OR51B5: variants seen among roughly 807,000 people sequenced by gnomAD.
OR51B5 encodes the protein olfactory receptor family 51 subfamily B member 5.
For missense variants in OR51B5, 456 were observed against 374.6 expected, an observed-to-expected ratio of 1.22 and a Z score of -1.79; for synonymous variants, 186 against 144.8, an observed-to-expected ratio of 1.28 and a Z score of -2.04.
intron 1 of OR51B5, among the ~76,000 whole-genome samples, chr11:5,434,292 C>T: frequency 6.6e-6 from 1 of 152,148 alleles, no homozygotes; most frequent in East Asian, 1.9e-4. Flanking sequence ...TCCCTGTCTC[C>T]CTCCATGACT....
chr11:5,460,874 T>G (rs1171066398), intron 1 of OR51B5, among the ~76,000 whole-genome samples: 1 of 152,196 alleles, frequency 6.6e-6, no homozygotes, highest in Non-Finnish European at 1.5e-5. Context: ...TTGGCCTACA[T>G]GCTGTAACCC....
chr11:5,505,576 C>T (rs1846360572), exon 1 of OR51B5: 1 of 948,474 alleles, frequency 1.1e-6, no homozygotes, highest in Non-Finnish European at 1.4e-6. Flanking sequence ...TACAGTTCCA[C>T]ATAGCTGGGG....
At chr11:5,489,797 A>C in intron 1 of OR51B5, 1 of 680,934 alleles carries the variant, frequency 1.5e-6, no homozygotes, top group South Asian at 1.9e-5. Flanking sequence ...AGGAATAGCC[A>C]GATGAATCAG....
chr11:5,422,438 C>T, intron 1 of OR51B5: 2 of 1,614,198 alleles, frequency 1.2e-6, no homozygotes, highest in Non-Finnish European at 1.7e-6. Context: ...CCTCACCACC[C>T]TACCCACAGT....
At chr11:5,410,062 G>A (rs1159162271) in intron 1 of OR51B5, among the ~76,000 whole-genome samples, 1 of 151,976 alleles carries the variant, frequency 6.6e-6, no homozygotes, top group African/African-American at 2.4e-5. Context: ...AAAAAGTAAA[G>A]AAGTTTTCAG....
At chr11:5,424,905 C>A (rs1195168927) in intron 1 of OR51B5, among the ~76,000 whole-genome samples, 1 of 101,582 alleles carries the variant, frequency 9.8e-6, no homozygotes, top group Non-Finnish European at 2.2e-5. Flanking sequence ...TGGCGGGAAC[C>A]CGGGAGGCGG....
intron 1 of OR51B5, chr11:5,441,110 G>A (rs962396569): frequency 1.5e-5 from 24 of 1,613,894 alleles, no homozygotes; most frequent in African/African-American, 5.3e-5. Context: ...TGAGCACAGT[G>A]ACATAGCGTA....
chr11:5,471,006 T>C (rs1339148473), intron 1 of OR51B5, among the ~76,000 whole-genome samples: 1 of 152,222 alleles, frequency 6.6e-6, no homozygotes, highest in Non-Finnish European at 1.5e-5. Context: ...ATTCAAGTCC[T>C]TACCATGGAT....
chr11:5,495,985 C>A (rs1170229749), intron 1 of OR51B5, among the ~76,000 whole-genome samples: 1 of 152,136 alleles, frequency 6.6e-6, no homozygotes, highest in African/African-American at 2.4e-5. Flanking sequence ...CTTAACCTCT[C>A]CATGAACAGA....
intron 1 of OR51B5, among the ~76,000 whole-genome samples, chr11:5,419,244 T>C (rs930363561): frequency 9.9e-5 from 15 of 152,220 alleles, no homozygotes; most frequent in Non-Finnish European, 1.9e-4. Context: ...GTGCCCAATT[T>C]ATATCTATAT....
At chr11:5,406,889 G>A (rs1019045546) in intron 1 of OR51B5, among the ~76,000 whole-genome samples, 2 of 152,056 alleles carry the variant, frequency 1.3e-5, no homozygotes, top group Non-Finnish European at 2.9e-5. Context: ...CAGAGGGTTG[G>A]AGTACAAGGA....
chr11:5,441,011 C>A (rs530955809), intron 1 of OR51B5: 20 of 1,613,818 alleles, frequency 1.2e-5, no homozygotes, highest in Non-Finnish European at 1.7e-5. Context: ...TGCAGAAGGG[C>A]AGTCGTTTCA....
At chr11:5,502,371 C>T (rs1445021040) in intron 1 of OR51B5, among the ~76,000 whole-genome samples, 1 of 152,176 alleles carries the variant, frequency 6.6e-6, no homozygotes, top group Non-Finnish European at 1.5e-5. Context: ...TATCGAGCTC[C>T]AGTCAAAATC....
At chr11:5,353,280 AAACAGAG>A (rs1849132026) in intron 1 of OR51B5, among the ~76,000 whole-genome samples, 2 of 152,196 alleles carry the variant, frequency 1.3e-5, no homozygotes, top group Non-Finnish European at 2.9e-5. Flanking sequence ...AATAATTTGA[AAACAGAG>A]ATATAATTTC....
intron 1 of OR51B5, among the ~76,000 whole-genome samples, chr11:5,400,884 G>GT (rs528933924): frequency 1.6e-3 from 249 of 152,298 alleles, no homozygotes; most frequent in Middle Eastern, 3.4e-3. Context: ...CTGTTGATGC[G>GT]TAAGTTCAGC....
intron 1 of OR51B5, chr11:5,351,642 T>C (rs1193402627): frequency 1.7e-5 from 28 of 1,614,014 alleles, no homozygotes; most frequent in Non-Finnish European, 2.4e-5. Context: ...CTCTTCTCTT[T>C]CTCATCAGGA....
intron 1 of OR51B5, among the ~76,000 whole-genome samples, chr11:5,438,336 C>T (rs918812185): frequency 1.8e-5 from 2 of 111,942 alleles, no homozygotes; most frequent in South Asian, 6.9e-4. Flanking sequence ...GAGACAAATT[C>T]TCCAAACTTC....
intron 1 of OR51B5, among the ~76,000 whole-genome samples, chr11:5,351,194 T>TA (rs2133686930): frequency 6.6e-6 from 1 of 152,328 alleles, no homozygotes; most frequent in South Asian, 2.1e-4. Context: ...TCTTCTTTCA[T>TA]TTTGTTTTTA....
chr11:5,503,803 T>C (rs965014423), intron 1 of OR51B5, among the ~76,000 whole-genome samples: 4 of 152,164 alleles, frequency 2.6e-5, no homozygotes, highest in Admixed American at 2.6e-4. Context: ...ATATCACAAA[T>C]TCTGCCCTGC....
Sources: allele counts gnomAD v4.1 joint callset (sites outside exome capture counted in the v4.1 genomes callset), GRCh38; gene constraint gnomAD v4.1.1; transcripts MANE v1.5; gene names NCBI Gene and HGNC (gene_info 2026-07-23, HGNC 2026-07-21).